The following NKAIN2 variants were observed in gnomAD, a reference collection of about 807,000 sequenced individuals.
NKAIN2 encodes sodium/potassium-transporting ATPase subunit beta-1-interacting protein 2.
Under a neutral mutation model 32.6 loss-of-function variants are expected in NKAIN2, and 14 were observed. That is an observed-to-expected ratio of 0.43 (90% CI 0.28 to 0.67). The LOEUF is 0.67. Among genes scored for constraint, NKAIN2 ranks in the 30% least tolerant of loss-of-function variants. The pLI is 0.17. For missense variants in NKAIN2, 198 were observed against 258.3 expected, an observed-to-expected ratio of 0.77 and a Z score of 1.60; for synonymous variants, 80 against 87.2, an observed-to-expected ratio of 0.92 and a Z score of 0.46.
intron 4 of NKAIN2, among the ~76,000 whole-genome samples, chr6:124,675,717 TGA>T (rs1347322487): frequency 6.6e-6 from 1 of 152,010 alleles, no homozygotes; most frequent in Non-Finnish European, 1.5e-5. Context: ...TTTCTGATTT[TGA>T]GTCTTCTTTT....
At chr6:124,533,152 C>A (rs1417557988) in intron 3 of NKAIN2, among the ~76,000 whole-genome samples, 1 of 152,054 alleles carries the variant, frequency 6.6e-6, no homozygotes, top group East Asian at 1.9e-4. Flanking sequence ...ACAGTAGTTA[C>A]CACGTTTACT....
chr6:124,719,135 CTG>C (rs1438342032), intron 4 of NKAIN2, among the ~76,000 whole-genome samples: 2 of 152,036 alleles, frequency 1.3e-5, no homozygotes, highest in African/African-American at 4.8e-5. Context: ...GTCAAATAGA[CTG>C]TTTTTTTCCA....
intron 1 of NKAIN2, among the ~76,000 whole-genome samples, chr6:124,121,096 A>G (rs1330272589): frequency 1.3e-5 from 2 of 152,176 alleles, no homozygotes; most frequent in Non-Finnish European, 2.9e-5. Context: ...GCAAACGGAT[A>G]GAAATTTAAC....
At chr6:124,527,149 C>T (rs1779349261) in intron 3 of NKAIN2, among the ~76,000 whole-genome samples, 1 of 152,112 alleles carries the variant, frequency 6.6e-6, no homozygotes, top group Non-Finnish European at 1.5e-5. Context: ...CAATGCAAGT[C>T]TTGTGTTTAC....
chr6:123,967,595 A>G (rs774826715), intron 1 of NKAIN2, among the ~76,000 whole-genome samples: 80 of 151,736 alleles, frequency 5.3e-4, no homozygotes, highest in Admixed American at 3.2e-3. Flanking sequence ...GTGGTTTTCC[A>G]CCCCCAACTG....
At chr6:124,296,227 T>C (rs1442487979) in intron 2 of NKAIN2, among the ~76,000 whole-genome samples, 6 of 152,062 alleles carry the variant, frequency 3.9e-5, no homozygotes, top group Admixed American at 3.3e-4. Context: ...CTAGTTTGCT[T>C]TGAGTTATAA....
At chr6:123,836,448 T>A (rs1774627886) in intron 1 of NKAIN2, among the ~76,000 whole-genome samples, 3 of 152,030 alleles carry the variant, frequency 2.0e-5, no homozygotes, top group African/African-American at 7.2e-5. Flanking sequence ...CCCCAAAATC[T>A]ATAGCTGCAG....
chr6:124,650,242 A>G (rs1447260286), intron 3 of NKAIN2, among the ~76,000 whole-genome samples: 1 of 152,188 alleles, frequency 6.6e-6, no homozygotes, highest in African/African-American at 2.4e-5. Context: ...TGTGTAGAAA[A>G]TCTGCAGGTA....
At chr6:123,908,450 C>T (rs1041185217) in intron 1 of NKAIN2, among the ~76,000 whole-genome samples, 5 of 152,116 alleles carry the variant, frequency 3.3e-5, no homozygotes, top group African/African-American at 1.2e-4. Flanking sequence ...TATTTTTAAG[C>T]TTTTTCAAAT....
chr6:124,779,923 T>C (rs554226920), intron 4 of NKAIN2, among the ~76,000 whole-genome samples: 5 of 152,332 alleles, frequency 3.3e-5, no homozygotes, highest in Admixed American at 3.3e-4. Flanking sequence ...TTTAAGCCAC[T>C]AAATTTTGGT....
At chr6:123,945,966 AT>A (rs1777043589) in intron 1 of NKAIN2, among the ~76,000 whole-genome samples, 1 of 152,182 alleles carries the variant, frequency 6.6e-6, no homozygotes, top group African/African-American at 2.4e-5. Context: ...ACACTGTATC[AT>A]TTCCTTAAAC....
At chr6:124,133,257 C>G (rs866606363) in intron 1 of NKAIN2, among the ~76,000 whole-genome samples, 5 of 152,164 alleles carry the variant, frequency 3.3e-5, no homozygotes, top group African/African-American at 1.2e-4. Context: ...GGCAGAGTCA[C>G]CGTTCCTCCC....
Position 123,846,810 on chromosome 6 carries a change from A to AC in NKAIN2, c.54+42562dup, listed in dbSNP as rs373236743. ...CTAAAGGCATTTTCATTCTATTACC[A>AC]CCCCCCACGCCACCGCCACACACAC... On this transcript the variant is annotated intron_variant, in intron 1 of 6. Transcript: ENST00000368417. Among the ~76,000 whole-genome samples the AC allele has an allele frequency of 3.4e-5, 5 of 149,036 alleles. No homozygotes were observed. The East Asian group carries it at 1.0e-3, about 30-fold the overall frequency.
intron 3 of NKAIN2, among the ~76,000 whole-genome samples, chr6:124,450,995 G>C (rs1290501190): frequency 6.6e-6 from 1 of 152,038 alleles, no homozygotes; most frequent in Admixed American, 6.6e-5. Context: ...ATGCAGTAAT[G>C]CAAAAAATAT....
At chr6:123,826,812 C>T (rs1774165704) in intron 1 of NKAIN2, among the ~76,000 whole-genome samples, 1 of 152,090 alleles carries the variant, frequency 6.6e-6, no homozygotes, top group Non-Finnish European at 1.5e-5. Context: ...TATAGGTGTA[C>T]AAGTATCTGT....
At chr6:123,822,537 G>A (rs911842822) in intron 1 of NKAIN2, among the ~76,000 whole-genome samples, 4 of 152,108 alleles carry the variant, frequency 2.6e-5, no homozygotes, top group Non-Finnish European at 5.9e-5. Flanking sequence ...CGGTCTAGTT[G>A]AGTATTAAAA....
intron 1 of NKAIN2, among the ~76,000 whole-genome samples, chr6:124,022,157 T>C (rs1443968977): frequency 6.6e-6 from 1 of 151,916 alleles, no homozygotes; most frequent in African/African-American, 2.4e-5. Flanking sequence ...TGGTTTTCTG[T>C]CCTTGAGATA....
intron 2 of NKAIN2, among the ~76,000 whole-genome samples, chr6:124,320,669 G>A (rs978805964): frequency 2.0e-5 from 3 of 152,164 alleles, no homozygotes; most frequent in Admixed American, 6.6e-5. Flanking sequence ...TTTGTTATGA[G>A]AATAAATACT....
At chr6:124,440,590 CA>C (rs1775646406) in intron 3 of NKAIN2, among the ~76,000 whole-genome samples, 1 of 152,000 alleles carries the variant, frequency 6.6e-6, no homozygotes, top group African/African-American at 2.4e-5. Context: ...AAGAAATGTC[CA>C]AGTGGATCAC....
Sources: gnomAD v4.1 joint callset for allele counts (sites outside exome capture counted in the v4.1 genomes callset) on GRCh38, gnomAD v4.1.1 for gene constraint, MANE v1.5 for transcripts, NCBI Gene and HGNC (gene_info 2026-07-23, HGNC 2026-07-21) for gene names.